RNGTT: variants seen among roughly 807,000 people sequenced by gnomAD.
The protein encoded by RNGTT is mRNA-capping enzyme.
A neutral mutation model predicts 79.3 loss-of-function variants in RNGTT; 33 were observed. The observed-to-expected ratio is 0.42, with a 90% CI of 0.32 to 0.56. The LOEUF is 0.56. Ranked by LOEUF, RNGTT falls within the 20% of genes least tolerant of loss-of-function variation. The pLI is 0.17. For synonymous variants in RNGTT, 222 were observed against 235.9 expected (o/e 0.94, Z 0.54); for missense variants, 497 against 739.1 (o/e 0.67, Z 3.80).
At chr6:88,662,125 C>G (rs995073602) in intron 14 of RNGTT, among the ~76,000 whole-genome samples, 1 of 152,144 alleles carries the variant, frequency 6.6e-6, no homozygotes, top group Non-Finnish European at 1.5e-5. Flanking sequence ...TGATTACAAC[C>G]CTAGGCAAAA....
chr6:88,738,049 T>TCA (rs1232547005), intron 13 of RNGTT, among the ~76,000 whole-genome samples: 3 of 152,050 alleles, frequency 2.0e-5, no homozygotes, highest in Non-Finnish European at 2.9e-5. Flanking sequence ...TGGAGAAAAC[T>TCA]CACAAACCCT....
At chr6:88,677,451 C>A (rs920276295) in intron 14 of RNGTT, among the ~76,000 whole-genome samples, 8 of 152,000 alleles carry the variant, frequency 5.3e-5, no homozygotes, top group African/African-American at 1.4e-4. Context: ...TCAATTAGAT[C>A]TCAAAAAAGC....
intron 14 of RNGTT, among the ~76,000 whole-genome samples, chr6:88,675,674 G>A (rs1246149858): frequency 6.7e-6 from 1 of 149,772 alleles, no homozygotes; most frequent in Non-Finnish European, 1.5e-5. Context: ...TCGAGTATAA[G>A]ATCATAGAGT....
chr6:88,858,014 G>C (rs552917770), intron 8 of RNGTT, among the ~76,000 whole-genome samples: 3 of 152,074 alleles, frequency 2.0e-5, no homozygotes, highest in Non-Finnish European at 4.4e-5. Flanking sequence ...AATGAATTAA[G>C]ACAGGATTCT....
At chr6:88,644,414 A>G (rs1582271013) in intron 14 of RNGTT, among the ~76,000 whole-genome samples, 2 of 152,140 alleles carry the variant, frequency 1.3e-5, no homozygotes, top group African/African-American at 4.8e-5. Context: ...GCCGAATTCT[A>G]CCAGAGGTAC....
chr6:88,906,289 C>A (rs1266801874), intron 5 of RNGTT, 76 bp downstream of exon 5: 2 of 928,028 alleles, frequency 2.2e-6, no homozygotes, highest in African/African-American at 1.7e-5. Flanking sequence ...CTTGACAATA[C>A]AAAATTCTGC....
intron 12 of RNGTT, among the ~76,000 whole-genome samples, chr6:88,792,402 A>C (rs1163997878): frequency 6.6e-6 from 1 of 152,220 alleles, no homozygotes; most frequent in East Asian, 1.9e-4. Context: ...GGCTATTTGA[A>C]CTGGTAAAAA....
At chr6:88,897,280 T>A (rs1036798646) in intron 6 of RNGTT, among the ~76,000 whole-genome samples, 6 of 152,184 alleles carry the variant, frequency 3.9e-5, no homozygotes, top group African/African-American at 1.4e-4. Context: ...TGAGTCAACC[T>A]ACCGTTAGTC....
intron 14 of RNGTT, among the ~76,000 whole-genome samples, chr6:88,621,951 T>A (rs1772456772): frequency 6.6e-6 from 1 of 152,168 alleles, no homozygotes; most frequent in East Asian, 1.9e-4. Context: ...TTTTCTGTTG[T>A]TGTGTTTCCC....
chr6:88,887,316 T>C (rs928374595), intron 8 of RNGTT, among the ~76,000 whole-genome samples: 1 of 152,208 alleles, frequency 6.6e-6, no homozygotes, highest in African/African-American at 2.4e-5. Context: ...CCAGGACTCA[T>C]AGCTATTAAT....
chr6:88,932,063 A>G (rs767821057), intron 2 of RNGTT, among the ~76,000 whole-genome samples: 24 of 152,162 alleles, frequency 1.6e-4, no homozygotes, highest in Non-Finnish European at 2.9e-4. Flanking sequence ...ATTGCCAAAA[A>G]CAGGTAAGAG....
rs149370512 is a variant in RNGTT at position 88,946,245 on chromosome 6, A to G, written c.65-5065T>C. Among the ~76,000 whole-genome samples, 335 of 152,244 alleles carry G rather than the reference A, an allele frequency of 2.2e-3. 2 individuals carry two copies. The highest frequency in any genetic ancestry group is 7.9e-3 in the African/African-American group (329 of 41,532). On this transcript the variant is annotated intron_variant, in intron 1 of 15. Coordinates refer to ENST00000369485, the MANE Select transcript of RNGTT (RefSeq NM_003800.5). ...ATTATTATATTTGTTACAGTGATCT[A>G]TGATCAGTGATCTTTGATGTTACAA...
intron 12 of RNGTT, among the ~76,000 whole-genome samples, chr6:88,776,217 G>A (rs771796461): frequency 6.6e-6 from 1 of 151,792 alleles, no homozygotes; most frequent in African/African-American, 2.4e-5. Flanking sequence ...TTGTATTTTC[G>A]ATAATAGCCA....
At chr6:88,707,117 C>T (rs558091091) in intron 13 of RNGTT, among the ~76,000 whole-genome samples, 3 of 152,174 alleles carry the variant, frequency 2.0e-5, no homozygotes, top group Non-Finnish European at 4.4e-5. Context: ...AAGCAAAACA[C>T]TAATAATCAT....
intron 5 of RNGTT, 96 bp from the exon 6 acceptor site, chr6:88,905,051 T>A: frequency 6.8e-7 from 1 of 1,466,596 alleles, no homozygotes; most frequent in Non-Finnish European, 9.2e-7. Context: ...CCATATAAAG[T>A]ACAACAGAAG....
chr6:88,945,810 G>A (rs1384007891), intron 1 of RNGTT, among the ~76,000 whole-genome samples: 1 of 152,102 alleles, frequency 6.6e-6, no homozygotes, highest in Admixed American at 6.5e-5. Flanking sequence ...TACCAAGCCT[G>A]GCCATAAAAC....
intron 14 of RNGTT, among the ~76,000 whole-genome samples, chr6:88,636,987 A>C (rs1384084005): frequency 6.6e-6 from 1 of 152,084 alleles, no homozygotes; most frequent in African/African-American, 2.4e-5. Context: ...TGGGCTCCAT[A>C]CTTCACAATC....
At chr6:88,635,364 A>C (rs1484230399) in intron 14 of RNGTT, among the ~76,000 whole-genome samples, 4 of 152,078 alleles carry the variant, frequency 2.6e-5, no homozygotes, top group Admixed American at 2.6e-4. Flanking sequence ...CAGAGGAATA[A>C]ATCAGGCCTT....
intron 14 of RNGTT, among the ~76,000 whole-genome samples, chr6:88,614,798 T>A (rs540728288): frequency 2.6e-5 from 4 of 152,172 alleles, no homozygotes; most frequent in African/African-American, 9.7e-5. Context: ...TAAATTCCTA[T>A]GTTAAAATCT....
Sources: allele counts gnomAD v4.1 joint callset (sites outside exome capture counted in the v4.1 genomes callset), GRCh38; gene constraint gnomAD v4.1.1; transcripts MANE v1.5; gene names NCBI Gene and HGNC (gene_info 2026-07-23, HGNC 2026-07-21).